Variants in PRDX3 observed in about 807,000 individuals in gnomAD.
The protein encoded by PRDX3 is thioredoxin-dependent peroxide reductase, mitochondrial.
A neutral mutation model predicts 30.4 loss-of-function variants in PRDX3; 20 were observed. The observed-to-expected ratio is 0.66, with a 90% CI of 0.46 to 0.96. PRDX3 has a LOEUF of 0.96. Among genes scored for constraint, PRDX3 ranks in the 40% least tolerant of loss-of-function variants. The pLI is 0.00. For synonymous variants in PRDX3, 124 were observed against 117.8 expected (o/e 1.05, Z -0.34); for missense variants, 322 against 318.3 (o/e 1.01, Z -0.09).
intron 5 of PRDX3, chr10:119,171,128 C>T (rs1451813981): frequency 1.3e-5 from 2 of 151,914 alleles, no homozygotes; most frequent in Non-Finnish European, 2.9e-5. Flanking sequence ...GCAAGCTCCA[C>T]CTCCCAGGTT....
intron 4 of PRDX3, 69 bp downstream of exon 4, chr10:119,173,668 G>T: frequency 6.6e-7 from 1 of 1,520,322 alleles, no homozygotes; most frequent in Non-Finnish European, 9.0e-7. Context: ...TAGTCCAGCA[G>T]CATAGCTAGA....
intron 5 of PRDX3, among the ~76,000 whole-genome samples, chr10:119,171,329 C>T (rs546612810): frequency 4.6e-5 from 7 of 151,710 alleles, no homozygotes; most frequent in East Asian, 3.9e-4. Context: ...CCTGAGCCAC[C>T]GCGCCCGGCC....
At chr10:119,168,926 G>A (rs1374899457) in intron 6 of PRDX3, among the ~76,000 whole-genome samples, 1 of 145,234 alleles carries the variant, frequency 6.9e-6, no homozygotes, top group East Asian at 2.1e-4. Context: ...TGAGCTGAGA[G>A]AGCGCCACTG....
Position 119,174,463 on chromosome 10 carries a change from T to C in PRDX3, c.299A>G (p.Tyr100Cys), listed in dbSNP as rs1315679667. The C allele has an allele frequency of 6.3e-6, 10 of 1,598,212 alleles. No individual in the cohort carries two copies. Among genetic ancestry groups the C allele is most frequent in the East Asian group, 2.2e-5 (1 of 44,736 alleles). Reference protein sequence around the residue: ...FKGKYLVLFFYPLDFTFVCPT... With the variant: ...FKGKYLVLFFCPLDFTFVCPT... ...AAATTACACTTACAAATCCAAAGGATAGAAGAAAAGCACCAAATATTTCCC... is the reference window on the plus strand; with the variant it reads ...AAATTACACTTACAAATCCAAAGGACAGAAGAAAAGCACCAAATATTTCCC... Residue 100 changes from tyrosine to cysteine, a missense_variant, in exon 3 of 7, where the codon TAT (tyrosine) becomes TGT (cysteine). Physicochemically the swap from Tyr to Cys is radical, Grantham distance 194 (BLOSUM62 -2). Transcript: ENST00000298510.
At chr10:119,173,660 G>T in intron 4 of PRDX3, 77 bp downstream of exon 4, 1 of 1,469,982 alleles carries the variant, frequency 6.8e-7, no homozygotes, top group Non-Finnish European at 9.3e-7. Flanking sequence ...GATCTTGATA[G>T]TCCAGCAGCA....
chr10:119,172,526 C>T (rs1183487469), intron 4 of PRDX3, 41 bp from the exon 5 acceptor site: 1 of 1,526,784 alleles, frequency 6.5e-7, no homozygotes, highest in South Asian at 1.1e-5. Flanking sequence ...TGTGTGGCCT[C>T]ACAACATTCT....
chr10:119,176,951 G>A, intron 2 of PRDX3, 70 bp downstream of exon 2: 1 of 1,585,346 alleles, frequency 6.3e-7, no homozygotes, highest in East Asian at 2.2e-5. Context: ...AGGGTTCAGA[G>A]CCCCTGTCCA....
intron 4 of PRDX3, among the ~76,000 whole-genome samples, chr10:119,173,410 G>C (rs942287551): frequency 2.0e-5 from 3 of 152,112 alleles, no homozygotes; most frequent in African/African-American, 7.2e-5. Context: ...AGGAGTTCGA[G>C]ACCAGCGTGA....
intron 4 of PRDX3, 115 bp downstream of exon 4, chr10:119,173,622 A>AC (rs376959973): frequency 0.18 from 158,991 of 894,456 alleles, 246 homozygotes; most frequent in South Asian, 0.23. Flanking sequence ...AAAAAAAAAA[A>AC]AAAAAAAACC....
intron 1 of PRDX3, 125 bp from the exon 2 acceptor site, chr10:119,177,278 C>CT (rs1306489737): frequency 1.2e-5 from 11 of 895,558 alleles, no homozygotes; most frequent in African/African-American, 1.0e-4. Context: ...ACCCCAAACT[C>CT]TAAGAGCATG....
intron 2 of PRDX3, 39 bp downstream of exon 2, chr10:119,176,982 C>T: frequency 6.2e-7 from 1 of 1,612,356 alleles, no homozygotes; most frequent in Middle Eastern, 1.7e-4. Context: ...TTCATTTTTC[C>T]TTTACCTGGC....
intron 1 of PRDX3, among the ~76,000 whole-genome samples, chr10:119,177,649 CAAAA>C (rs34339894): frequency 4.2e-5 from 4 of 94,896 alleles, no homozygotes; most frequent in Admixed American, 1.3e-4. Flanking sequence ...AACTCCGTCT[CAAAA>C]AAAAAAAAAA....
At chr10:119,173,666 C>A in intron 4 of PRDX3, 71 bp downstream of exon 4, 1 of 1,525,382 alleles carries the variant, frequency 6.6e-7, no homozygotes. Flanking sequence ...GATAGTCCAG[C>A]AGCATAGCTA....
intron 5 of PRDX3, chr10:119,170,921 G>C (rs989354199): frequency 6.6e-6 from 1 of 151,516 alleles, no homozygotes; most frequent in Admixed American, 6.6e-5. Flanking sequence ...AAAAAAAAGA[G>C]AGGAAAAAAA....
chr10:119,174,304 G>T, intron 3 of PRDX3, 147 bp downstream of exon 3: 1 of 1,023,496 alleles, frequency 9.8e-7, no homozygotes, highest in Non-Finnish European at 1.4e-6. Flanking sequence ...ACAGATCCCA[G>T]CTGTAATCAA....
chr10:119,169,082 T>C (rs1166620184), intron 6 of PRDX3, 95 bp downstream of exon 6: 12 of 1,364,450 alleles, frequency 8.8e-6, no homozygotes, highest in Non-Finnish European at 1.0e-5. Context: ...GCACGCTTGC[T>C]TCAAGAGTGG....
rs778381278 is a variant in PRDX3 at position 119,178,767 on chromosome 10, C to A, written c.24G>T (p.Leu8Phe). 55 of 1,552,660 alleles carry A rather than the reference C, an allele frequency of 3.5e-5. No individual in the cohort carries two copies. In the Middle Eastern group the frequency reaches 5.0e-4, roughly 14 times the overall value. MAAAVGRLLRASVARHVS... is the reference protein window; with the variant it reads MAAAVGRFLRASVARHVS... ...GACAGCCACTCACCGACGCTCGGAG[C>A]AACCGTCCTACAGCAGCCGCCATCT... Residue 8 changes from leucine (L) to phenylalanine (F), a missense_variant, in exon 1 of 7, where the codon TTG becomes TTT. Coordinates refer to ENST00000298510, the MANE Select transcript of PRDX3 (RefSeq NM_006793.5).
chr10:119,169,459 A>G (rs938694704), intron 5 of PRDX3, 117 bp from the exon 6 acceptor site: 3 of 888,572 alleles, frequency 3.4e-6, no homozygotes, highest in African/African-American at 1.7e-5. Context: ...AAGCGTAATC[A>G]TATGCTTAAA....
intron 2 of PRDX3, 152 bp from the exon 3 acceptor site, chr10:119,174,744 C>T (rs1002630215): frequency 7.2e-6 from 5 of 690,392 alleles, no homozygotes; most frequent in Non-Finnish European, 9.0e-6. Flanking sequence ...GCACAGTCAT[C>T]CTTTGCCACC....
Sources: allele counts gnomAD v4.1 joint callset (sites outside exome capture counted in the v4.1 genomes callset), GRCh38; gene constraint gnomAD v4.1.1; transcripts MANE v1.5; gene names NCBI Gene and HGNC (gene_info 2026-07-23, HGNC 2026-07-21).